Variants in LGR6 observed in about 807,000 individuals in gnomAD.
LGR6 encodes leucine-rich repeat-containing G protein-coupled receptor 6.
Under a neutral mutation model 69.4 loss-of-function variants are expected in LGR6, and 45 were observed. That is an observed-to-expected ratio of 0.65 (90% CI 0.51 to 0.83). The LOEUF (loss-of-function observed/expected upper bound fraction) is 0.83. Ranked by LOEUF, LGR6 falls within the 40% of genes least tolerant of loss-of-function variation. The pLI, the probability that LGR6 is intolerant of heterozygous loss-of-function variation, is 0.00. For missense variants in LGR6, 1,108 were observed against 1,246.7 expected (o/e 0.89, Z 1.68); for synonymous variants, 538 against 555.0 (o/e 0.97, Z 0.43).
chr1:202,292,502 T>C lies in LGR6; in HGVS notation c.717-5006T>C, dbSNP rs533729760. Among the ~76,000 whole-genome samples the C allele has an allele frequency of 2.6e-5, 4 of 152,332 alleles. No homozygotes were observed. The South Asian group carries it at 8.3e-4, about 32-fold the overall frequency. On this transcript the variant is annotated intron_variant, in intron 6 of 17. Coordinates refer to ENST00000367278, the MANE Select transcript of LGR6 (RefSeq NM_001017403.2). ...TGTGATGACTCAGGGATCTGGCTTC[T>C]TGGGAGCTTGCCACCTCCAGGGCCT...
At chr1:202,204,698 C>G (rs62650680) in intron 1 of LGR6, among the ~76,000 whole-genome samples, 1 of 3,184 alleles carries the variant, frequency 3.1e-4, no homozygotes, top group Non-Finnish European at 6.3e-4. Context: ...CACCCCCAAA[C>G]ACACACACAC....
In LGR6 at chr1:202,268,851, C is replaced by T. The variant is rs1245464491; in HGVS notation, c.429-7455C>T. On this transcript the variant is annotated intron_variant, in intron 4 of 17. Transcript: ENST00000367278. The surrounding 1 kb of genome is among the most constrained non-coding windows in gnomAD (Gnocchi z 4.4). ...TGCGACCTGTGTGGTTGCCAGGGCC[C>T]TGATAGCAGAAGGGGCCTGTACCTG... is the stretch of plus-strand genomic sequence containing the variant. Among the ~76,000 whole-genome samples the T allele has an allele frequency of 6.6e-6, 1 of 152,172 alleles. No homozygotes were observed. Among genetic ancestry groups the T allele is most frequent in the African/African-American group, 2.4e-5 (1 of 41,428 alleles).
chr1:202,194,401 C>T, intron 1 of LGR6, 200 bp downstream of exon 1: 1 of 588,160 alleles, frequency 1.7e-6, no homozygotes, highest in South Asian at 2.1e-5. Flanking sequence ...GCAGGGAGAC[C>T]GGGCTTCCCT....
chr1:202,220,323 T>C (rs1277022012), intron 1 of LGR6, among the ~76,000 whole-genome samples: 2 of 151,998 alleles, frequency 1.3e-5, no homozygotes, highest in African/African-American at 4.8e-5. Flanking sequence ...GTTCAAGTGA[T>C]TCTCCCTGCC....
chr1:202,280,851 C>A lies in LGR6; in HGVS notation c.715C>A (p.Leu239Ile). ...CGAGGGGCTGCACAATCTGGAGACA[C>A]TGTGAGTTTTGAGGTCTTGGTCAAA... ...SFEGLHNLET[L>I]DLNYNKLQEF... Residue 239 changes from leucine to isoleucine, a missense_variant and splice_region_variant, in exon 6 of 18, where the codon CTA becomes ATA. By Grantham distance (5) the Leu-to-Ile change is conservative. Transcript: ENST00000367278. 1 of 1,613,442 alleles carries A rather than the reference C, an allele frequency of 6.2e-7. No individual in the cohort carries two copies. The highest frequency in any genetic ancestry group is 8.5e-7 in the Non-Finnish European group (1 of 1,179,610).
intron 17 of LGR6, among the ~76,000 whole-genome samples, chr1:202,315,539 A>C (rs899275107): frequency 1.6e-4 from 25 of 152,268 alleles, no homozygotes; most frequent in Non-Finnish European, 3.1e-4. Context: ...GCTTGCATAT[A>C]AAATGCTAAC....
intron 4 of LGR6, among the ~76,000 whole-genome samples, chr1:202,241,520 C>T (rs186866643): frequency 1.1e-4 from 16 of 152,340 alleles, no homozygotes; most frequent in Admixed American, 8.5e-4. Context: ...ACAACACCCT[C>T]CTCCTTGGAT....
intron 6 of LGR6, among the ~76,000 whole-genome samples, chr1:202,289,172 A>G (rs1398138577): frequency 6.6e-6 from 1 of 152,204 alleles, no homozygotes; most frequent in African/African-American, 2.4e-5. Context: ...AGCTGACAGG[A>G]TGAGGGCCAA....
chr1:202,240,966 T>G (rs1277687200), intron 4 of LGR6, among the ~76,000 whole-genome samples: 3 of 152,158 alleles, frequency 2.0e-5, no homozygotes, highest in African/African-American at 4.8e-5. Flanking sequence ...AACCCCTCTC[T>G]AATAATCACC....
intron 1 of LGR6, among the ~76,000 whole-genome samples, chr1:202,211,246 G>T (rs896850202): frequency 2.0e-5 from 3 of 152,220 alleles, no homozygotes; most frequent in Non-Finnish European, 4.4e-5. Flanking sequence ...ACAATATACA[G>T]AAATAAACAT....
chr1:202,240,522 G>T (rs1313365867), intron 4 of LGR6, among the ~76,000 whole-genome samples: 1 of 152,150 alleles, frequency 6.6e-6, no homozygotes, highest in East Asian at 1.9e-4. Flanking sequence ...AAGTATCCTA[G>T]AGAACCTGGG....
intron 6 of LGR6, among the ~76,000 whole-genome samples, chr1:202,293,402 G>A (rs1343977426): frequency 1.3e-5 from 2 of 152,116 alleles, no homozygotes; most frequent in East Asian, 3.8e-4. Flanking sequence ...AGCTCTGTGT[G>A]ATCACTGCAG....
At chr1:202,196,585 C>A (rs548535126) in intron 1 of LGR6, among the ~76,000 whole-genome samples, 1 of 152,312 alleles carries the variant, frequency 6.6e-6, no homozygotes, top group South Asian at 2.1e-4. Flanking sequence ...CACCTCTAAG[C>A]CTCAGGTTCT....
rs547025883 is a variant in LGR6 at position 202,207,693 on chromosome 1, T to C, written c.212+13492T>C. Among the ~76,000 whole-genome samples, 29 of 152,302 alleles carry C rather than the reference T, an allele frequency of 1.9e-4. 1 individual carries two copies. The highest frequency in any genetic ancestry group is 6.5e-4 in the African/African-American group (27 of 41,562). ...TTCTGGCTCTGCCTTTTACCAATCC[T>C]TGGGGAAAGATTTACCCTCTTTGTG... On this transcript the variant is annotated intron_variant, in intron 1 of 17. Transcript: ENST00000367278.
chr1:202,250,833 G>A (rs1050505789), intron 4 of LGR6, among the ~76,000 whole-genome samples: 1 of 152,182 alleles, frequency 6.6e-6, no homozygotes, highest in African/African-American at 2.4e-5. Context: ...GAGAGGTTAA[G>A]TAATTTGCTC....
chr1:202,270,397 C>T (rs1664996067), intron 4 of LGR6, among the ~76,000 whole-genome samples: 1 of 152,142 alleles, frequency 6.6e-6, no homozygotes, highest in Non-Finnish European at 1.5e-5. Context: ...CGTGTGCCAC[C>T]ACGCCCGTCT....
At chr1:202,269,662 T>C (rs1208064110) in intron 4 of LGR6, among the ~76,000 whole-genome samples, 1 of 152,198 alleles carries the variant, frequency 6.6e-6, no homozygotes, top group Non-Finnish European at 1.5e-5. Context: ...AATTCTGGGT[T>C]TCAGTCTCTC....
chr1:202,295,299 G>A (rs927370169), intron 6 of LGR6, among the ~76,000 whole-genome samples: 1 of 129,206 alleles, frequency 7.7e-6, no homozygotes, highest in African/African-American at 3.0e-5. Context: ...CTGCACTCCA[G>A]CCCAGGCGAC....
intron 1 of LGR6, among the ~76,000 whole-genome samples, chr1:202,222,952 A>C (rs1391096504): frequency 6.6e-6 from 1 of 152,090 alleles, no homozygotes; most frequent in East Asian, 1.9e-4. Flanking sequence ...AAATACAAAA[A>C]TAGCCAGGCG....
Sources: gnomAD v4.1 joint callset for allele counts (sites outside exome capture counted in the v4.1 genomes callset) on GRCh38, gnomAD v4.1.1 for gene constraint, Gnocchi (gnomAD v3.1) non-coding constraint, MANE v1.5 for transcripts, NCBI Gene and HGNC (gene_info 2026-07-23, HGNC 2026-07-21) for gene names.